The following HGFAC variants were observed in gnomAD, a reference collection of about 807,000 sequenced individuals.
HGFAC encodes hepatocyte growth factor activator serine protease.
In HGFAC, 76 loss-of-function variants were observed where a neutral mutation model predicts 70.6. The ratio of observed to expected loss-of-function variants is 1.08; its 90% CI spans 0.89 to 1.30. The LOEUF (loss-of-function observed/expected upper bound fraction) is 1.30. HGFAC is among the 50% of genes most tolerant of loss of function. The probability of loss-of-function intolerance (pLI) is 0.00; values close to 1 mark genes in which losing one functional copy is unlikely to be tolerated. For missense variants in HGFAC, 1,044 were observed against 933.7 expected, an observed-to-expected ratio of 1.12 and a Z score of -1.54; for synonymous variants, 464 against 405.3, an observed-to-expected ratio of 1.14 and a Z score of -1.74.
intron 5 of HGFAC, 69 bp downstream of exon 5, chr4:3,444,230 G>T: frequency 6.4e-7 from 1 of 1,561,708 alleles, no homozygotes; most frequent in African/African-American, 1.4e-5. Context: ...TGGGAGAACA[G>T]GTGGCTCCCG....
Position 3,444,116 on chromosome 4 carries a change from C to G in HGFAC, c.553C>G (p.His185Asp). 1 of 1,612,138 alleles carries G rather than the reference C, an allele frequency of 6.2e-7. No individual in the cohort carries two copies. Among genetic ancestry groups the G allele is most frequent in the Non-Finnish European group, 8.5e-7 (1 of 1,179,650 alleles). The change falls in exon 5 of 14, where the codon CAC becomes GAC. Residue 185 changes from histidine (H) to aspartate (D), a missense_variant. Coordinates refer to ENST00000382774, the MANE Select transcript of HGFAC (RefSeq NM_001528.4). ...CAATACCCAGGACCCCCAGTCCTAT[C>G]ACTGCAGCTGCCCCCGGGCCTTCAC... ...CSNTQDPQSYHCSCPRAFTGK... is the reference protein window; with the variant it reads ...CSNTQDPQSYDCSCPRAFTGK...
At chr4:3,443,680 C>T (rs1013354034) in intron 4 of HGFAC, among the ~76,000 whole-genome samples, 5 of 152,160 alleles carry the variant, frequency 3.3e-5, no homozygotes, top group Non-Finnish European at 5.9e-5. Context: ...GCCACACAGG[C>T]GTGCCCCAGG....
At position 3,448,218 on chromosome 4, in the gene HGFAC, A is replaced by C. The variant is rs777106024; in HGVS notation, c.1727A>C (p.Asp576Ala). The change falls in exon 13 of 14, where the codon GAC becomes GCC. Residue 576 changes from aspartate (D) to alanine (A), a missense_variant. Coordinates refer to ENST00000382774, the MANE Select transcript of HGFAC (RefSeq NM_001528.4). ...AGCAGCCCTGAGGTCTACGGCGCCG[A>C]CATCAGCCCCAACATGCTCTGTGCC... The part of the protein sequence containing the change: ...KCSSPEVYGA[D>A]ISPNMLCAGY... 6 of 1,608,556 alleles carry C rather than the reference A, an allele frequency of 3.7e-6. No homozygotes were observed. Among genetic ancestry groups the C allele is most frequent in the Non-Finnish European group, 5.1e-6 (6 of 1,179,092 alleles).
At chr4:3,445,765 G>A in intron 9 of HGFAC, 1 of 1,064,902 alleles carries the variant, frequency 9.4e-7, no homozygotes, top group Non-Finnish European at 1.4e-6. Flanking sequence ...GACTGTGCTG[G>A]GGCTGGCTGT....
chr4:3,447,302 C>G lies in HGFAC; in HGVS notation c.1356-190C>G, dbSNP rs555532757. Among the ~76,000 whole-genome samples the G allele has an allele frequency of 2.0e-3, 310 of 152,292 alleles. 1 individual carries two copies. The highest frequency in any genetic ancestry group is 4.3e-3 in the African/African-American group (178 of 41,576). Reference sequence around the variant, plus strand: ...CATGCCTGGATCTGGGGGTGACTGGCAATAGCCCCTGCTTGGTGGTCCCTG... The same window carrying G: ...CATGCCTGGATCTGGGGGTGACTGGGAATAGCCCCTGCTTGGTGGTCCCTG... On this transcript the variant is annotated intron_variant, in intron 10 of 13. Transcript: ENST00000382774.
intron 11 of HGFAC, 61 bp from the exon 12 acceptor site, chr4:3,447,834 C>T: frequency 6.3e-7 from 1 of 1,584,814 alleles, no homozygotes; most frequent in East Asian, 2.3e-5. Flanking sequence ...CACCACGGGC[C>T]CCGACAGCCT....
At chr4:3,445,983 G>A in intron 9 of HGFAC, 59 bp from the exon 10 acceptor site, 1 of 1,595,500 alleles carries the variant, frequency 6.3e-7, no homozygotes, top group South Asian at 1.1e-5. Context: ...GGGCCTGTGT[G>A]TGGAAGGGGG....
intron 6 of HGFAC, 26 bp from the exon 7 acceptor site, chr4:3,444,597 G>C: frequency 6.4e-7 from 1 of 1,566,608 alleles, no homozygotes. Flanking sequence ...GCGGCCCCTG[G>C]CCCAGCTCCT....
chr4:3,443,023 C>T, intron 2 of HGFAC, 27 bp from the exon 3 acceptor site: 6 of 1,569,888 alleles, frequency 3.8e-6, no homozygotes, highest in South Asian at 1.1e-5. Flanking sequence ...TCGAGGGAGC[C>T]CTGACCCTGC....
chr4:3,446,144 C>G lies in HGFAC; in HGVS notation c.1205C>G (p.Thr402Arg). 1 of 1,611,790 alleles carries G rather than the reference C, an allele frequency of 6.2e-7. No individual in the cohort carries two copies. The highest frequency in any genetic ancestry group is 8.5e-7 in the Non-Finnish European group (1 of 1,179,614). The change falls in exon 10 of 14, where the codon ACG becomes AGG. Residue 402 changes from threonine to arginine, a missense_variant. Transcript: ENST00000382774. ...TGCGGCAGGAGGCACAAGAAGAGGACGTTCCTGCGGCCACGTATCATCGGC... is the reference window on the plus strand; with the variant it reads ...TGCGGCAGGAGGCACAAGAAGAGGAGGTTCCTGCGGCCACGTATCATCGGC... Reference protein sequence around the residue: ...QACGRRHKKRTFLRPRIIGGS... With the variant: ...QACGRRHKKRRFLRPRIIGGS...
In HGFAC at chr4:3,449,474, A is replaced by G. The variant is rs1347965892; in HGVS notation, c.*55A>G. The G allele has an allele frequency of 8.1e-6, 12 of 1,475,280 alleles. No homozygotes were observed. Among genetic ancestry groups the G allele is most frequent in the East Asian group, 4.9e-5 (2 of 40,782 alleles). The allele number at this position is 1,475,280 out of a possible 1,614,324, so 91.4% of individuals were successfully genotyped here. A position where few individuals can be genotyped will look rare whatever the true frequency, so the allele number is the denominator to read the frequency against. On this transcript the variant is annotated 3_prime_UTR_variant, in exon 14 of 14. Transcript: ENST00000382774. ...ATTCCCTGCCTTGCTGACAATAAAG[A>G]TATTTCCAAGAACCCGGCCCACGCT...
At position 3,448,200 on chromosome 4, in the gene HGFAC, C is replaced by G; in HGVS notation, c.1709C>G (p.Pro570Arg). ...PLVADHKCSSPEVYGADISPN... is the reference protein window; with the variant it reads ...PLVADHKCSSREVYGADISPN... ...GTCGCCGACCACAAGTGCAGCAGCC[C>G]TGAGGTCTACGGCGCCGACATCAGC... The change falls in exon 13 of 14, where the codon CCT becomes CGT. Residue 570 changes from proline (P) to arginine (R), a missense_variant. By Grantham distance (103) the Pro-to-Arg change is moderately radical. Coordinates refer to ENST00000382774, the MANE Select transcript of HGFAC (RefSeq NM_001528.4). The G allele has an allele frequency of 6.2e-7, 1 of 1,606,746 alleles. No homozygotes were observed. Among genetic ancestry groups the G allele is most frequent in the Non-Finnish European group, 8.5e-7 (1 of 1,178,050 alleles).
intron 13 of HGFAC, 36 bp downstream of exon 13, chr4:3,448,312 T>TG: frequency 6.3e-7 from 1 of 1,593,816 alleles, no homozygotes. Flanking sequence ...ACCCGACTGG[T>TG]GGGGGCTCAG....
At chr4:3,445,215 TCTTCGAGGGG>T (rs1293091280) in intron 8 of HGFAC, 40 bp from the exon 9 acceptor site, 1 of 1,462,408 alleles carries the variant, frequency 6.8e-7, no homozygotes, top group Admixed American at 2.0e-5. Flanking sequence ...CCCCATGCCC[TCTTCGAGGGG>T]CAGTGTGACT....
rs754316414 is a variant in HGFAC at position 3,446,192 on chromosome 4, C to T, written c.1253C>T (p.Ser418Leu). 1.4e-5 allele frequency: 22 copies of T among 1,610,954 alleles called. 1 individual carries two copies. The highest frequency in any genetic ancestry group is 4.0e-5 in the African/African-American group (3 of 74,894). The change falls in exon 10 of 14, where the codon TCG becomes TTG. Residue 418 changes from serine (S) to leucine (L), a missense_variant. Coordinates refer to ENST00000382774, the MANE Select transcript of HGFAC (RefSeq NM_001528.4). ...GGCGGCTCCTCCTCGCTGCCCGGCT[C>T]GCACCCCTGGCTGGCCGCCATCTAC... ...IIGGSSSLPG[S>L]HPWLAAIYIG...
At chr4:3,444,759 C>A in intron 7 of HGFAC, 26 bp downstream of exon 7, 1 of 1,577,376 alleles carries the variant, frequency 6.3e-7, no homozygotes, top group Non-Finnish European at 8.6e-7. Flanking sequence ...CCCCGGGGTG[C>A]CCTGGGGCAG....
intron 10 of HGFAC, 127 bp downstream of exon 10, chr4:3,446,421 C>T: frequency 1.6e-6 from 2 of 1,214,432 alleles, no homozygotes; most frequent in Non-Finnish European, 2.3e-6. Flanking sequence ...TCCCGGGGTC[C>T]CCGGTAACCC....
At chr4:3,447,701 A>G (rs1323383693) in intron 11 of HGFAC, 70 bp downstream of exon 11, 1 of 1,592,104 alleles carries the variant, frequency 6.3e-7, no homozygotes, top group African/African-American at 1.3e-5. Context: ...AGGCCCAGAC[A>G]GGGGCAGGAG....
At chr4:3,441,771 G>A, upstream of HGFAC, 2 of 460,784 alleles carry the variant, frequency 4.3e-6, no homozygotes, top group East Asian at 7.3e-5. The surrounding 1 kb of genome is among the most constrained non-coding windows in gnomAD (Gnocchi z 6.0). Context: ...GTCAGGTCTA[G>A]GACTAGGACC....
Sources: allele counts gnomAD v4.1 joint callset (sites outside exome capture counted in the v4.1 genomes callset), GRCh38; gene constraint gnomAD v4.1.1; non-coding constraint Gnocchi (gnomAD v3.1); transcripts MANE v1.5; gene names NCBI Gene and HGNC (gene_info 2026-07-23, HGNC 2026-07-21).